Variants in GPHN observed in about 807,000 individuals in gnomAD.
GPHN encodes the protein gephyrin.
Under a neutral mutation model 95.5 loss-of-function variants are expected in GPHN, and 17 were observed. The observed-to-expected ratio is 0.18, with a 90% CI of 0.12 to 0.27. The LOEUF (loss-of-function observed/expected upper bound fraction) is 0.27, where lower values mean the gene tolerates loss of function less well. Ranked by LOEUF, GPHN falls within the 10% of genes least tolerant of loss-of-function variation. The pLI, the probability that GPHN is intolerant of heterozygous loss-of-function variation, is 1.00. For missense variants in GPHN, 660 were observed against 978.1 expected, an observed-to-expected ratio of 0.67 and a Z score of 4.34; for synonymous variants, 320 against 322.5, an observed-to-expected ratio of 0.99 and a Z score of 0.08.
At chr14:66,852,379 A>ATG (rs113038595) in intron 4 of GPHN, among the ~76,000 whole-genome samples, 151 of 152,256 alleles carry the variant, frequency 9.9e-4, no homozygotes, top group African/African-American at 3.3e-3. Flanking sequence ...AGGGAAAAAA[A>ATG]TGTGTGTGTG....
intron 3 of GPHN, among the ~76,000 whole-genome samples, chr14:66,781,651 T>C (rs953988578): frequency 3.9e-5 from 6 of 152,218 alleles, no homozygotes; most frequent in Non-Finnish European, 8.8e-5. Context: ...TTGTATGCAG[T>C]TTTTTTGTGT....
At chr14:66,792,267 C>G (rs915115504) in intron 3 of GPHN, among the ~76,000 whole-genome samples, 1 of 152,030 alleles carries the variant, frequency 6.6e-6, no homozygotes, top group African/African-American at 2.4e-5. Context: ...GTTCAAACAC[C>G]TCTGACAGGA....
In GPHN at chr14:67,088,976, C is replaced by T. The variant is rs767897499; in HGVS notation, c.1145-7C>T. ...ATTTACATTTTCCTTCTTTTCTCTT[C>T]CTTCAGATGGAATGGGGCGAGTCCT... is the stretch of plus-strand genomic sequence containing the variant. On this transcript the variant is annotated splice_polypyrimidine_tract_variant and splice_region_variant and intron_variant, in intron 11 of 22. Coordinates refer to ENST00000478722, the MANE Select transcript of GPHN (RefSeq NM_020806.5). 2 of 1,537,156 alleles carry T rather than the reference C, an allele frequency of 1.3e-6. No individual in the cohort carries two copies. Among genetic ancestry groups the T allele is most frequent in the South Asian group, 2.2e-5 (2 of 89,530 alleles).
chr14:66,518,802 G>T (rs943918110), intron 1 of GPHN, among the ~76,000 whole-genome samples: 2 of 152,072 alleles, frequency 1.3e-5, no homozygotes, highest in African/African-American at 4.8e-5. Context: ...TAGAAGTAAA[G>T]TAGAACAGAG....
chr14:67,733,852 G>A, the GPHN span: 1 of 1,602,994 alleles, frequency 6.2e-7, no homozygotes, highest in Middle Eastern at 1.7e-4. Context: ...GGAGTAGCTG[G>A]TGGAAGAGCT....
intron 1 of GPHN, among the ~76,000 whole-genome samples, chr14:66,518,938 T>G (rs958450875): frequency 6.6e-6 from 1 of 152,016 alleles, no homozygotes; most frequent in Non-Finnish European, 1.5e-5. Flanking sequence ...GTGACTATAG[T>G]TAACAGTAAT....
intron 18 of GPHN, among the ~76,000 whole-genome samples, chr14:67,150,419 C>T (rs1323706396): frequency 8.7e-6 from 1 of 114,334 alleles, no homozygotes; most frequent in African/African-American, 3.6e-5. Context: ...CCAGCCTGGG[C>T]GACAGAGCGA....
chr14:66,538,080 C>T (rs2059206016), intron 1 of GPHN, among the ~76,000 whole-genome samples: 1 of 152,170 alleles, frequency 6.6e-6, no homozygotes, highest in African/African-American at 2.4e-5. Context: ...TATCTTCCTG[C>T]CTCAGCCTCC....
chr14:67,180,760 C>G, intron 22 of GPHN, 44 bp from the exon 23 acceptor site: 1 of 1,600,418 alleles, frequency 6.2e-7, no homozygotes, highest in Non-Finnish European at 8.5e-7. Flanking sequence ...CAACTGTATA[C>G]GCCATGATGC....
intron 18 of GPHN, among the ~76,000 whole-genome samples, chr14:67,147,383 C>A (rs553272085): frequency 1.3e-5 from 2 of 152,314 alleles, no homozygotes; most frequent in African/African-American, 4.8e-5. Flanking sequence ...AACAGAAATT[C>A]TCTGTGGATG....
At chr14:66,983,528 T>G (rs2070820122) in intron 9 of GPHN, among the ~76,000 whole-genome samples, 1 of 152,222 alleles carries the variant, frequency 6.6e-6, no homozygotes, top group African/African-American at 2.4e-5. Flanking sequence ...CAGATGAAAC[T>G]TGAATTGTAG....
chr14:66,516,680 C>G (rs1232290695), intron 1 of GPHN, among the ~76,000 whole-genome samples: 1 of 152,184 alleles, frequency 6.6e-6, no homozygotes, highest in African/African-American at 2.4e-5. Flanking sequence ...AAAATCCACT[C>G]TATGAGTGAA....
chr14:67,378,124 T>C, the GPHN span, among the ~76,000 whole-genome samples: 1 of 134,258 alleles, frequency 7.4e-6, no homozygotes, highest in African/African-American at 2.8e-5. Flanking sequence ...CCTTGTCTCT[T>C]AAAAAAAAAA....
the GPHN span, among the ~76,000 whole-genome samples, chr14:67,620,496 G>A: frequency 6.6e-6 from 1 of 152,328 alleles, no homozygotes; most frequent in Admixed American, 6.5e-5. Context: ...GAGGATTTAA[G>A]TCTTCTGGAT....
chr14:66,894,588 G>A (rs558846013), intron 5 of GPHN, among the ~76,000 whole-genome samples: 3 of 152,062 alleles, frequency 2.0e-5, no homozygotes, highest in Non-Finnish European at 2.9e-5. Context: ...TACAGAATGG[G>A]AGAAAATTTT....
intron 2 of GPHN, among the ~76,000 whole-genome samples, chr14:66,744,346 G>T (rs2058058498): frequency 6.6e-6 from 1 of 152,132 alleles, no homozygotes; most frequent in Non-Finnish European, 1.5e-5. Context: ...TTCACTCCAA[G>T]ATTTAAGTGA....
the GPHN span, among the ~76,000 whole-genome samples, chr14:67,190,634 T>A: frequency 6.6e-6 from 1 of 152,170 alleles, no homozygotes; most frequent in East Asian, 1.9e-4. Context: ...CCTTTTTAAT[T>A]ACTCAAATAT....
At chr14:66,998,091 A>G (rs187072490) in intron 9 of GPHN, among the ~76,000 whole-genome samples, 2 of 152,288 alleles carry the variant, frequency 1.3e-5, no homozygotes, top group Admixed American at 6.5e-5. Flanking sequence ...TTTCTCTATG[A>G]CAGCATGTGT....
chr14:66,723,055 A>G (rs566155410), intron 2 of GPHN, among the ~76,000 whole-genome samples: 28 of 151,942 alleles, frequency 1.8e-4, no homozygotes, highest in Non-Finnish European at 3.8e-4. Flanking sequence ...TTTCCTGATT[A>G]GATTTTTTTG....
Sources: gnomAD v4.1 joint callset for allele counts (sites outside exome capture counted in the v4.1 genomes callset) on GRCh38, gnomAD v4.1.1 for gene constraint, MANE v1.5 for transcripts, NCBI Gene and HGNC (gene_info 2026-07-23, HGNC 2026-07-21) for gene names.